Variants in TACC1 observed in about 807,000 individuals in gnomAD.
The protein encoded by TACC1 is transforming acidic coiled-coil containing protein 1, also known as transforming acidic coiled-coil-containing protein 1.
In TACC1, 48 loss-of-function variants were observed where a neutral mutation model predicts 84.4. That is an observed-to-expected ratio of 0.57 (90% confidence interval 0.45 to 0.72). The LOEUF is 0.72. TACC1 is among the 30% of genes least tolerant of loss of function. The pLI, the probability that TACC1 is intolerant of heterozygous loss-of-function variation, is 0.00. For missense variants in TACC1, 920 were observed against 973.0 expected, an observed-to-expected ratio of 0.95 and a Z score of 0.72; for synonymous variants, 372 against 376.3, an observed-to-expected ratio of 0.99 and a Z score of 0.13.
At chr8:38,798,606 C>CAT (rs1554515622) in intron 2 of TACC1, among the ~76,000 whole-genome samples, 1 of 143,396 alleles carries the variant, frequency 7.0e-6, no homozygotes, top group African/African-American at 2.6e-5. Flanking sequence ...CTGGGTTCTG[C>CAT]GTGTGTGTGT....
intron 8 of TACC1, 68 bp from the exon 9 acceptor site, chr8:38,840,156 C>A: frequency 8.3e-7 from 1 of 1,201,600 alleles, no homozygotes; most frequent in Non-Finnish European, 1.2e-6. Context: ...TTGTTTGGGA[C>A]AGCATTTCTC....
intron 2 of TACC1, among the ~76,000 whole-genome samples, chr8:38,814,528 G>A (rs1283935829): frequency 6.6e-6 from 1 of 152,150 alleles, no homozygotes; most frequent in Admixed American, 6.5e-5. Context: ...GGAGCAATAG[G>A]CTATACCATA....
intron 4 of TACC1, among the ~76,000 whole-genome samples, chr8:38,825,995 A>G (rs1339977199): frequency 6.6e-6 from 1 of 152,244 alleles, no homozygotes; most frequent in East Asian, 1.9e-4. Flanking sequence ...AATAATATCC[A>G]TCCATGACCG....
chr8:38,771,777 ATGGGCTGT>A (rs1813667443), intron 3 of TACC1, among the ~76,000 whole-genome samples: 1 of 152,126 alleles, frequency 6.6e-6, no homozygotes, highest in South Asian at 2.1e-4. Flanking sequence ...GCTCTGTTGC[ATGGGCTGT>A]AGTACAGTGG....
intron 1 of TACC1, among the ~76,000 whole-genome samples, chr8:38,734,827 G>A (rs1174147323): frequency 2.0e-5 from 3 of 152,252 alleles, no homozygotes; most frequent in Non-Finnish European, 2.9e-5. Context: ...GGGTGCCTGC[G>A]GCCTGCTGAC....
intron 1 of TACC1, among the ~76,000 whole-genome samples, chr8:38,730,304 C>T (rs532013615): frequency 6.6e-6 from 1 of 152,240 alleles, no homozygotes; most frequent in African/African-American, 2.4e-5. Context: ...CCTGACCTCT[C>T]GTGCAGGGAC....
intron 2 of TACC1, among the ~76,000 whole-genome samples, chr8:38,812,823 A>G (rs1226289848): frequency 6.6e-6 from 1 of 152,168 alleles, no homozygotes; most frequent in Non-Finnish European, 1.5e-5. Context: ...TAGTCTCTAA[A>G]CTGCATGAGA....
chr8:38,738,708 C>A (rs1587072377), intron 1 of TACC1, among the ~76,000 whole-genome samples: 1 of 151,708 alleles, frequency 6.6e-6, no homozygotes. Flanking sequence ...ATACTCCAGG[C>A]TCATCTTATA....
At chr8:38,775,005 C>T (rs1312253600) in intron 3 of TACC1, among the ~76,000 whole-genome samples, 4 of 111,646 alleles carry the variant, frequency 3.6e-5, no homozygotes, top group African/African-American at 1.4e-4. Flanking sequence ...GGTGAGACTC[C>T]GTCTCAAAAA....
At chr8:38,749,965 GAC>G (rs1238244022) in intron 3 of TACC1, among the ~76,000 whole-genome samples, 1 of 152,148 alleles carries the variant, frequency 6.6e-6, no homozygotes, top group African/African-American at 2.4e-5. Context: ...CAAAAACACA[GAC>G]ACAGTGGTGC....
At chr8:38,773,923 T>G (rs1357563215) in intron 3 of TACC1, among the ~76,000 whole-genome samples, 1 of 152,242 alleles carries the variant, frequency 6.6e-6, no homozygotes, top group Non-Finnish European at 1.5e-5. Flanking sequence ...CAGGTTTTTC[T>G]TTCTTCTTTG....
intron 3 of TACC1, among the ~76,000 whole-genome samples, chr8:38,760,226 A>T (rs1810950675): frequency 6.6e-6 from 1 of 152,242 alleles, no homozygotes. Flanking sequence ...ATAGATGTAC[A>T]TGAAAAGAAA....
chr8:38,740,333 A>G (rs978114750), intron 1 of TACC1, among the ~76,000 whole-genome samples: 3 of 152,052 alleles, frequency 2.0e-5, no homozygotes, highest in Non-Finnish European at 4.4e-5. Flanking sequence ...TTCTTGCATT[A>G]ATTATCTTAT....
intron 3 of TACC1, among the ~76,000 whole-genome samples, chr8:38,754,972 C>T (rs1003159550): frequency 3.3e-5 from 5 of 152,100 alleles, no homozygotes; most frequent in African/African-American, 1.2e-4. Context: ...ACAGCCTGGC[C>T]AACATAGTGA....
Position 38,851,643 on chromosome 8 carries a change from G to A in TACC1, c.*3620G>A, listed in dbSNP as rs1323769900. The A allele has an allele frequency of 3.6e-6, 1 of 276,524 alleles. No homozygotes were observed. The highest frequency in any genetic ancestry group is 8.7e-5 in the East Asian group (1 of 11,536). 17.1% of individuals were successfully genotyped at this position (276,524 alleles called of 1,614,324 possible). ...ATCTCATGAACTGTCTCTGACTGTT[G>A]TCTCTTTGTGGTCATGTGATTGTGA... On this transcript the variant is annotated 3_prime_UTR_variant, in exon 13 of 13. Transcript: ENST00000317827.
At chr8:38,752,799 T>C (rs1412024777) in intron 3 of TACC1, among the ~76,000 whole-genome samples, 1 of 152,152 alleles carries the variant, frequency 6.6e-6, no homozygotes, top group African/African-American at 2.4e-5. Context: ...CTATGTTCTG[T>C]ATCAAATGCA....
exon 3 of TACC1, chr8:38,745,364 C>T: frequency 1.7e-6 from 1 of 601,186 alleles, no homozygotes; most frequent in Non-Finnish European, 3.0e-6. Context: ...CACAACCTAG[C>T]ATTCATCATA....
At chr8:38,747,170 T>C (rs1808240632) in intron 3 of TACC1, among the ~76,000 whole-genome samples, 2 of 152,226 alleles carry the variant, frequency 1.3e-5, no homozygotes, top group South Asian at 4.1e-4. Flanking sequence ...ACACATCTAC[T>C]AGAATAGCCA....
At chr8:38,763,421 T>C (rs1275833065) in intron 3 of TACC1, among the ~76,000 whole-genome samples, 1 of 151,954 alleles carries the variant, frequency 6.6e-6, no homozygotes, top group African/African-American at 2.4e-5. Flanking sequence ...CCTCCCAGAG[T>C]GCTAAGATTA....
Sources: allele counts gnomAD v4.1 joint callset (sites outside exome capture counted in the v4.1 genomes callset), GRCh38; gene constraint gnomAD v4.1.1; transcripts MANE v1.5; gene names NCBI Gene and HGNC (gene_info 2026-07-23, HGNC 2026-07-21).